The following GRID2 variants were observed in gnomAD, a reference collection of about 807,000 sequenced individuals.
GRID2 encodes glutamate receptor ionotropic, delta-2.
A neutral mutation model predicts 114.8 loss-of-function variants in GRID2; 33 were observed. That is an observed-to-expected ratio of 0.29 (90% CI 0.22 to 0.38). GRID2 has a LOEUF of 0.38. Ranked by LOEUF, GRID2 falls within the 10% of genes least tolerant of loss-of-function variation. GRID2 has a pLI of 1.00. For synonymous variants in GRID2, 505 were observed against 449.9 expected, an observed-to-expected ratio of 1.12 and a Z score of -1.55; for missense variants, 1,184 against 1,257.7, an observed-to-expected ratio of 0.94 and a Z score of 0.89.
At position 92,519,870 on chromosome 4, in the gene GRID2, G is replaced by T. The variant is rs185095078; in HGVS notation, c.89-70261G>T. Among the ~76,000 whole-genome samples the T allele has an allele frequency of 3.1e-3, 465 of 151,862 alleles. 2 individuals carry two copies. The highest frequency in any genetic ancestry group is 0.027 in the Middle Eastern group (8 of 294). On this transcript the variant is annotated intron_variant, in intron 1 of 15. Transcript: ENST00000282020. ...CAAATAGAGTCTAGGCAGAAAAAGT[G>T]AATTCTCTCTTACTCAGTCCTTTGG...
At chr4:92,782,198 A>T (rs1739112330) in intron 2 of GRID2, among the ~76,000 whole-genome samples, 2 of 152,036 alleles carry the variant, frequency 1.3e-5, no homozygotes, top group South Asian at 4.1e-4. Context: ...ATATAAAACA[A>T]TTTTTCCTTA....
rs1359925941 is a variant in GRID2, at chr4:93,593,283, G to C, written c.2194-32986G>C. ...AAAATCTTTCAGCATTTGCTTGTCT[G>C]TAAAGTATTTTATTTCTCCTTCACT... On this transcript the variant is annotated intron_variant, in intron 13 of 15. Transcript: ENST00000282020. 2.8e-5 allele frequency among the ~76,000 whole-genome samples: 4 copies of C among 144,760 alleles called. No individual in the cohort carries two copies. The East Asian group carries it at 7.9e-4, about 28-fold the overall frequency. The allele number at this position is 144,760 out of a possible 152,430, so 95.0% of individuals were successfully genotyped here.
intron 2 of GRID2, among the ~76,000 whole-genome samples, chr4:92,674,316 G>A (rs573708164): frequency 6.6e-6 from 1 of 152,072 alleles, no homozygotes; most frequent in South Asian, 2.1e-4. Flanking sequence ...GTTTATTTAT[G>A]TATTTATTTT....
chr4:92,683,737 A>G (rs114170635), intron 2 of GRID2, among the ~76,000 whole-genome samples: 1 of 152,122 alleles, frequency 6.6e-6, no homozygotes, highest in Non-Finnish European at 1.5e-5. Flanking sequence ...ATACAAATGC[A>G]TGAAAACAAA....
chr4:92,928,679 A>G lies in GRID2; in HGVS notation c.245-156316A>G, dbSNP rs191895914. 6.5e-3 allele frequency among the ~76,000 whole-genome samples: 979 copies of G among 151,718 alleles called. 24 individuals are homozygous for G. The highest frequency in any genetic ancestry group is 0.056 in the Admixed American group (852 of 15,162). ...GGAAAGTGATATTTCGCTTTAGTAC[A>G]TAGGTAATTAACCACTGAACTAAAG... On this transcript the variant is annotated intron_variant, in intron 2 of 15. Coordinates refer to ENST00000282020, the MANE Select transcript of GRID2 (RefSeq NM_001510.4).
At chr4:93,727,300 G>A (rs556399927) in intron 14 of GRID2, among the ~76,000 whole-genome samples, 58 of 152,174 alleles carry the variant, frequency 3.8e-4, no homozygotes, top group East Asian at 1.9e-3. Context: ...ATTGATTTGC[G>A]TATGTTGAAC....
chr4:93,355,114 G>A (rs1238298685), intron 8 of GRID2, among the ~76,000 whole-genome samples: 1 of 151,942 alleles, frequency 6.6e-6, no homozygotes, highest in Non-Finnish European at 1.5e-5. Flanking sequence ...ACTCTGGGGA[G>A]AGTGTTTTCT....
chr4:93,464,560 T>C (rs1724089353), intron 11 of GRID2, among the ~76,000 whole-genome samples: 1 of 152,194 alleles, frequency 6.6e-6, no homozygotes, highest in South Asian at 2.1e-4. Context: ...GGTACAAGCT[T>C]TACTTGATTG....
At chr4:93,198,848 G>A (rs1741782481) in intron 4 of GRID2, among the ~76,000 whole-genome samples, 2 of 151,902 alleles carry the variant, frequency 1.3e-5, no homozygotes, top group Admixed American at 6.6e-5. Context: ...TTTCTTTATT[G>A]GCTTCAAGAT....
At chr4:92,797,439 G>A (rs577318932) in intron 2 of GRID2, among the ~76,000 whole-genome samples, 72 of 151,934 alleles carry the variant, frequency 4.7e-4, no homozygotes, top group African/African-American at 1.7e-3. Context: ...ATACATTGTG[G>A]TTTAATACTA....
intron 14 of GRID2, among the ~76,000 whole-genome samples, chr4:93,766,690 T>G (rs1480727084): frequency 6.6e-6 from 1 of 152,276 alleles, no homozygotes; most frequent in East Asian, 1.9e-4. Context: ...TAAAAAGAAT[T>G]ATTTGTTCAA....
At chr4:92,790,383 T>C (rs1739525198) in intron 2 of GRID2, among the ~76,000 whole-genome samples, 1 of 151,840 alleles carries the variant, frequency 6.6e-6, no homozygotes, top group Non-Finnish European at 1.5e-5. Flanking sequence ...AATATACTTA[T>C]GTTCCTTCAA....
chr4:93,301,057 G>T (rs1334761630), intron 8 of GRID2, among the ~76,000 whole-genome samples: 1 of 152,168 alleles, frequency 6.6e-6, no homozygotes, highest in Non-Finnish European at 1.5e-5. Flanking sequence ...CCTGTCTTTG[G>T]TTTTACTGCC....
intron 2 of GRID2, among the ~76,000 whole-genome samples, chr4:92,888,442 C>T (rs1746523153): frequency 6.6e-6 from 1 of 152,012 alleles, no homozygotes; most frequent in African/African-American, 2.4e-5. Context: ...ATTTTCAACA[C>T]CTTTCTGCTG....
intron 2 of GRID2, among the ~76,000 whole-genome samples, chr4:92,880,921 A>C (rs1745959338): frequency 6.6e-6 from 1 of 151,388 alleles, no homozygotes; most frequent in Non-Finnish European, 1.5e-5. Context: ...TTTTAGCTTG[A>C]GACTGAGTCT....
intron 2 of GRID2, among the ~76,000 whole-genome samples, chr4:92,794,332 C>A (rs1283673820): frequency 6.6e-6 from 1 of 151,724 alleles, no homozygotes; most frequent in Non-Finnish European, 1.5e-5. Context: ...CTTCTGCCTG[C>A]AAATTTATAA....
At chr4:92,502,125 A>G (rs1010399616) in intron 1 of GRID2, among the ~76,000 whole-genome samples, 4 of 152,164 alleles carry the variant, frequency 2.6e-5, no homozygotes, top group Non-Finnish European at 5.9e-5. Flanking sequence ...ATAAAAGACT[A>G]AAAACCAAAT....
Position 92,990,458 on chromosome 4 carries a change from C to T in GRID2, c.245-94537C>T, listed in dbSNP as rs565822791. Among the ~76,000 whole-genome samples, 210 of 151,542 alleles carry T rather than the reference C, an allele frequency of 1.4e-3. 1 individual carries two copies. Among genetic ancestry groups the T allele is most frequent in the African/African-American group, 4.9e-3 (201 of 41,310 alleles). ...CTGAGTAGCTGGGATTACAGGTGCA[C>T]GCCACCACATCCTACTAATTTTTGT... On this transcript the variant is annotated intron_variant, in intron 2 of 15. Transcript: ENST00000282020.
chr4:93,635,422 A>T, intron 14 of GRID2, among the ~76,000 whole-genome samples: 1 of 149,842 alleles, frequency 6.7e-6, no homozygotes, highest in East Asian at 1.9e-4. Flanking sequence ...ATTTATACAT[A>T]TATTTTTGCT....
Sources: allele counts gnomAD v4.1 joint callset (sites outside exome capture counted in the v4.1 genomes callset), GRCh38; gene constraint gnomAD v4.1.1; transcripts MANE v1.5; gene names NCBI Gene and HGNC (gene_info 2026-07-23, HGNC 2026-07-21).